Variants in DSE observed in about 807,000 individuals in gnomAD.
The protein encoded by DSE is dermatan sulfate epimerase.
A neutral mutation model predicts 84.4 loss-of-function variants in DSE; 36 were observed. The ratio of observed to expected loss-of-function variants is 0.43; its 90% CI spans 0.33 to 0.56. The LOEUF is 0.56. Among genes scored for constraint, DSE ranks in the 20% least tolerant of loss-of-function variants. The pLI is 0.06. For missense variants in DSE, 862 were observed against 1,169.6 expected (o/e 0.74, Z 3.84); for synonymous variants, 410 against 430.1 (o/e 0.95, Z 0.58).
At chr6:116,385,981 T>A (rs1049579775) in intron 1 of DSE, among the ~76,000 whole-genome samples, 1 of 152,236 alleles carries the variant, frequency 6.6e-6, no homozygotes, top group Non-Finnish European at 1.5e-5. Flanking sequence ...CAATCAGATG[T>A]ACTGCAGTTA....
chr6:116,409,411 C>T lies in DSE; in HGVS notation c.416+9745C>T, dbSNP rs576301391. On this transcript the variant is annotated intron_variant, in intron 2 of 5. Transcript: ENST00000644252. ...CCTGCCTCAGCCTCCCGAGTAGGCT[C>T]GGACTACAGGTGCCCACCACCACGC... 4.6e-5 allele frequency among the ~76,000 whole-genome samples: 7 copies of T among 152,194 alleles called. No individual in the cohort carries two copies. In the South Asian group the frequency reaches 1.0e-3, roughly 23 times the overall value.
chr6:116,260,673 A>T (rs1315651225), intron 2 of DSE, among the ~76,000 whole-genome samples: 2 of 152,196 alleles, frequency 1.3e-5, no homozygotes, highest in African/African-American at 4.8e-5. Flanking sequence ...GGTATAAGGA[A>T]GGGGTCCAGT....
intron 2 of DSE, among the ~76,000 whole-genome samples, chr6:116,415,050 T>A (rs1782611313): frequency 6.6e-6 from 1 of 152,250 alleles, no homozygotes. Flanking sequence ...CTTTTTCTCT[T>A]GAATTGGATT....
intron 5 of DSE, 73 bp from the exon 6 acceptor site, chr6:116,435,514 T>C: frequency 1.4e-6 from 2 of 1,452,832 alleles, no homozygotes; most frequent in Non-Finnish European, 9.2e-7. Flanking sequence ...GTGTCGCATC[T>C]TCCACATTAC....
intron 2 of DSE, among the ~76,000 whole-genome samples, chr6:116,274,821 A>T (rs1049331267): frequency 1.1e-4 from 17 of 152,164 alleles, no homozygotes; most frequent in African/African-American, 2.9e-4. Flanking sequence ...TTTAAGCAAG[A>T]TAACCCTTAT....
Position 116,421,463 on chromosome 6 carries a change from A to ATATATATATATATTTTT in DSE, c.417-5110_417-5109insATATATATATATTTTTT, listed in dbSNP as rs1357496121. 2.0e-4 allele frequency among the ~76,000 whole-genome samples: 12 copies of ATATATATATATATTTTT among 61,342 alleles called. 1 individual carries two copies. Among genetic ancestry groups the ATATATATATATATTTTT allele is most frequent in the African/African-American group, 1.1e-3 (12 of 10,768 alleles). The allele number at this position is 61,342 out of a possible 152,430, so 40.2% of individuals were successfully genotyped here. A position where few individuals can be genotyped will look rare whatever the true frequency, so the allele number is the denominator to read the frequency against. On this transcript the variant is annotated intron_variant, in intron 2 of 5. Transcript: ENST00000644252. ...TATACATATATATATATATATATAT[A>ATATATATATATATTTTT]TTTTTTTTTTTTTTTTTTTTTTTTT...
intron 2 of DSE, among the ~76,000 whole-genome samples, chr6:116,410,580 A>G (rs1019222559): frequency 1.3e-5 from 2 of 151,870 alleles, no homozygotes; most frequent in Non-Finnish European, 2.9e-5. Flanking sequence ...AAAAATACAA[A>G]AAAATTAGCT....
chr6:116,306,330 C>G lies in DSE; in HGVS notation c.-54+47363C>G, dbSNP rs80340846. ...GACTTTATTATAACATACATACACA[C>G]ACAGGTACATACACATACAATTTCA... On this transcript the variant is annotated intron_variant, in intron 2 of 3. Transcript: ENST00000430252. 1.5e-4 allele frequency among the ~76,000 whole-genome samples: 23 copies of G among 152,292 alleles called. No individual in the cohort carries two copies. The East Asian group carries it at 4.4e-3, about 29-fold the overall frequency.
rs139771576 is a variant in DSE at position 116,324,649 on chromosome 6, A to C, written c.-54+65682A>C. 6.8e-3 allele frequency among the ~76,000 whole-genome samples: 1,039 copies of C among 152,316 alleles called. 22 individuals are homozygous for C. The highest frequency in any genetic ancestry group is 0.055 in the South Asian group (266 of 4,818). ...AAGAGAGCTGGCTTTGTTAAACAGC[A>C]ATGGTAGAACAACCCAGGTGACCCG... On this transcript the variant is annotated intron_variant, in intron 2 of 3. Transcript: ENST00000430252.
intron 2 of DSE, among the ~76,000 whole-genome samples, chr6:116,265,774 T>C (rs900743982): frequency 6.6e-6 from 1 of 151,976 alleles, no homozygotes; most frequent in East Asian, 1.9e-4. Context: ...CTCTGCAGAG[T>C]TCAGATCTGA....
intron 2 of DSE, among the ~76,000 whole-genome samples, chr6:116,341,518 A>C (rs1777591929): frequency 6.6e-6 from 1 of 151,716 alleles, no homozygotes; most frequent in Non-Finnish European, 1.5e-5. Context: ...TTTGTTGCAA[A>C]ATGCCATTGC....
chr6:116,371,464 C>T (rs1300901463), intron 1 of DSE, among the ~76,000 whole-genome samples: 3 of 152,230 alleles, frequency 2.0e-5, no homozygotes, highest in Non-Finnish European at 4.4e-5. Context: ...CTGGCCGGCC[C>T]AGCCGCGATT....
intron 2 of DSE, among the ~76,000 whole-genome samples, chr6:116,270,269 C>T (rs1772823036): frequency 6.6e-6 from 1 of 151,974 alleles, no homozygotes; most frequent in Non-Finnish European, 1.5e-5. Context: ...CAAAACTGAC[C>T]CAAGAGAAGT....
At chr6:116,341,095 A>G (rs1777563114) in intron 2 of DSE, among the ~76,000 whole-genome samples, 1 of 152,108 alleles carries the variant, frequency 6.6e-6, no homozygotes, top group African/African-American at 2.4e-5. Context: ...ACTAATTTAC[A>G]CTCCCAACAG....
In DSE at chr6:116,303,872, A is replaced by G. The variant is rs1165784414; in HGVS notation, c.-54+44905A>G. On this transcript the variant is annotated intron_variant, in intron 2 of 3. Transcript: ENST00000430252. ...CAGTGGGGGCCCGGTGCGGTGGCTC[A>G]TGCCTGTAATCCCAGCACTTTGGGA... Among the ~76,000 whole-genome samples the G allele has an allele frequency of 3.3e-5, 5 of 152,192 alleles. No individual in the cohort carries two copies. The East Asian group carries it at 7.7e-4, about 23-fold the overall frequency.
At chr6:116,373,872 T>C (rs1318930116) in intron 1 of DSE, among the ~76,000 whole-genome samples, 1 of 152,240 alleles carries the variant, frequency 6.6e-6, no homozygotes, top group African/African-American at 2.4e-5. Context: ...ATACTTGCCT[T>C]GGATCACACT....
chr6:116,417,550 G>T (rs1301475094), intron 2 of DSE, among the ~76,000 whole-genome samples: 2 of 151,856 alleles, frequency 1.3e-5, no homozygotes, highest in Admixed American at 6.6e-5. Context: ...ATATATTTTA[G>T]AATTTAATAT....
At chr6:116,256,415 T>C (rs924363725) in intron 1 of DSE, 4 of 152,228 alleles carry the variant, frequency 2.6e-5, no homozygotes, top group African/African-American at 9.6e-5. Context: ...TGTAACATAA[T>C]GGTAAGCATT....
At chr6:116,299,573 CAT>C (rs1774910271) in intron 2 of DSE, among the ~76,000 whole-genome samples, 4 of 108,736 alleles carry the variant, frequency 3.7e-5, no homozygotes, top group Non-Finnish European at 5.7e-5. Context: ...CACACACACA[CAT>C]ACATATATAT....
Sources: allele counts gnomAD v4.1 joint callset (sites outside exome capture counted in the v4.1 genomes callset), GRCh38; gene constraint gnomAD v4.1.1; transcripts MANE v1.5; gene names NCBI Gene and HGNC (gene_info 2026-07-23, HGNC 2026-07-21).